The following EIF2S2 variants were observed in gnomAD, a reference collection of about 807,000 sequenced individuals.
EIF2S2 encodes the protein eukaryotic translation initiation factor 2 subunit 2.
In EIF2S2, 4 loss-of-function variants were observed where a neutral mutation model predicts 44.0. The observed-to-expected ratio is 0.09, with a 90% CI of 0.04 to 0.21. The LOEUF is 0.21. Among genes scored for constraint, EIF2S2 ranks in the 10% least tolerant of loss-of-function variants. The probability of loss-of-function intolerance (pLI) is 1.00; values close to 1 mark genes in which losing one functional copy is unlikely to be tolerated. For synonymous variants in EIF2S2, 108 were observed against 128.3 expected, an observed-to-expected ratio of 0.84 and a Z score of 1.07; for missense variants, 154 against 392.0, an observed-to-expected ratio of 0.39 and a Z score of 5.13.
Position 34,089,654 on chromosome 20 carries a change from C to T in EIF2S2, c.*76G>A, listed in dbSNP as rs1016878511. The T allele has an allele frequency of 1.3e-5, 20 of 1,485,740 alleles. No individual in the cohort carries two copies. The highest frequency in any genetic ancestry group is 2.3e-5 in the Admixed American group (1 of 43,190). 92.0% of individuals were successfully genotyped at this position (1,485,740 alleles called of 1,614,324 possible). A position where few individuals can be genotyped will look rare whatever the true frequency, so the allele number is the denominator to read the frequency against. ...CTTTTTTATCTTGTTTTTAATACAACGGTATATCCACTCTGATGGCAAACC... is the reference window on the plus strand; with the variant it reads ...CTTTTTTATCTTGTTTTTAATACAATGGTATATCCACTCTGATGGCAAACC... On this transcript the variant is annotated 3_prime_UTR_variant, in exon 9 of 9. Coordinates refer to ENST00000374980, the MANE Select transcript of EIF2S2 (RefSeq NM_003908.5).
intron 4 of EIF2S2, among the ~76,000 whole-genome samples, chr20:34,098,011 C>T (rs994367293): frequency 1.2e-4 from 19 of 152,132 alleles, no homozygotes; most frequent in African/African-American, 4.3e-4. Context: ...TTTGGGAGGC[C>T]GAGGCGGACG....
chr20:34,098,207 T>C (rs1231806601), intron 4 of EIF2S2, among the ~76,000 whole-genome samples: 1 of 151,682 alleles, frequency 6.6e-6, no homozygotes, highest in Non-Finnish European at 1.5e-5. Flanking sequence ...GATCGTGTCA[T>C]TGCACTTCAG....
intron 1 of EIF2S2, among the ~76,000 whole-genome samples, chr20:34,111,836 G>A (rs1219580119): frequency 6.6e-6 from 1 of 152,206 alleles, no homozygotes; most frequent in Non-Finnish European, 1.5e-5. Context: ...CCGGGAGGAC[G>A]ACTCAACGTG....
rs148962304 is a variant in EIF2S2 at position 34,095,824 on chromosome 20, T to G, written c.683+833A>C. ...TATTATCTCTTTTGTGTTTACCATATTTTCTACAACAAGCATGTAGCACTT... is the reference window on the plus strand; with the variant it reads ...TATTATCTCTTTTGTGTTTACCATAGTTTCTACAACAAGCATGTAGCACTT... On this transcript the variant is annotated intron_variant, in intron 6 of 8. Transcript: ENST00000374980. Among the ~76,000 whole-genome samples, 1,116 of 152,306 alleles carry G rather than the reference T, an allele frequency of 7.3e-3. 7 individuals are homozygous for G. Among genetic ancestry groups the G allele is most frequent in the Admixed American group, 0.011 (162 of 15,300 alleles).
chr20:34,088,727 G>A lies in EIF2S2; in HGVS notation c.*1003C>T, dbSNP rs1218419219. ...GATGGCCTTCTCCCATGTGCCAGCG[G>A]AGAATCCCCTTCCAGCCAAATCCTC... On this transcript the variant is annotated 3_prime_UTR_variant, in exon 9 of 9. Coordinates refer to ENST00000374980, the MANE Select transcript of EIF2S2 (RefSeq NM_003908.5). The A allele has an allele frequency of 6.6e-6, 1 of 152,412 alleles. No individual in the cohort carries two copies. 9.4% of individuals were successfully genotyped at this position (152,412 alleles called of 1,614,324 possible).
intron 3 of EIF2S2, among the ~76,000 whole-genome samples, chr20:34,102,012 G>A (rs188520533): frequency 1.6e-4 from 25 of 152,214 alleles, no homozygotes; most frequent in Admixed American, 1.3e-4. Flanking sequence ...AAAAGCCCTC[G>A]GATGGTCTGG....
intron 1 of EIF2S2, among the ~76,000 whole-genome samples, chr20:34,110,326 A>C (rs936248068): frequency 2.6e-5 from 4 of 152,114 alleles, no homozygotes; most frequent in Non-Finnish European, 5.9e-5. Flanking sequence ...AGTCAACAGC[A>C]CTACAGGAAC....
chr20:34,107,900 T>C (rs960483695), intron 1 of EIF2S2, among the ~76,000 whole-genome samples: 1 of 152,204 alleles, frequency 6.6e-6, no homozygotes, highest in African/African-American at 2.4e-5. Flanking sequence ...TGAAGAACAT[T>C]ATCTGGCCAA....
rs1272881599 is a variant in EIF2S2 at position 34,103,661 on chromosome 20, AAAAGACTGACT to A, written c.194-107_194-97del. On this transcript the variant is annotated intron_variant, in intron 2 of 8. Coordinates refer to ENST00000374980, the MANE Select transcript of EIF2S2 (RefSeq NM_003908.5). ...GTTCAGCAATTAATCAAGTCACCAGAAAAGACTGACTATTAATTAGTCCCTCCACAATCACA... is the reference window on the plus strand; with the variant it reads ...GTTCAGCAATTAATCAAGTCACCAGAATTAATTAGTCCCTCCACAATCACA... 5.0e-6 allele frequency: 7 copies of A among 1,386,468 alleles called. No individual in the cohort carries two copies. The African/African-American group carries it at 1.1e-4, about 21-fold the overall frequency. The allele number at this position is 1,386,468 out of a possible 1,614,324, so 85.9% of individuals were successfully genotyped here. A position where few individuals can be genotyped will look rare whatever the true frequency, so the allele number is the denominator to read the frequency against.
At chr20:34,090,947 C>T (rs1018681319) in intron 7 of EIF2S2, among the ~76,000 whole-genome samples, 1 of 151,930 alleles carries the variant, frequency 6.6e-6, no homozygotes, top group Non-Finnish European at 1.5e-5. Context: ...GGAGGGGTCT[C>T]CCTATGTTGC....
chr20:34,092,860 A>T (rs1047138789), intron 7 of EIF2S2, among the ~76,000 whole-genome samples: 3 of 152,198 alleles, frequency 2.0e-5, no homozygotes, highest in Non-Finnish European at 4.4e-5. Context: ...CTGTTAGGTG[A>T]TCAAGCTGCA....
chr20:34,095,310 CTT>C (rs148341160), intron 6 of EIF2S2, among the ~76,000 whole-genome samples: 67,344 of 122,538 alleles, frequency 0.55, 17,128 homozygotes, highest in East Asian at 0.75. Flanking sequence ...TTAGCTACCT[CTT>C]TTTTTTTTTT....
chr20:34,108,770 A>T (rs1432171520), intron 1 of EIF2S2, among the ~76,000 whole-genome samples: 2 of 152,166 alleles, frequency 1.3e-5, no homozygotes, highest in Non-Finnish European at 2.9e-5. Flanking sequence ...CCTCTCATAG[A>T]TCATACCTTA....
chr20:34,093,520 C>T (rs1346159572), intron 7 of EIF2S2, among the ~76,000 whole-genome samples, 155 bp downstream of exon 7: 1 of 152,196 alleles, frequency 6.6e-6, no homozygotes, highest in Admixed American at 6.5e-5. Flanking sequence ...GCCAAGCTCT[C>T]CCACAGAAAT....
intron 2 of EIF2S2, among the ~76,000 whole-genome samples, chr20:34,103,940 A>AC (rs1475290468): frequency 1.3e-5 from 2 of 152,042 alleles, no homozygotes; most frequent in Non-Finnish European, 2.9e-5. Context: ...CGCTCTCCTG[A>AC]CTTCATGATC....
chr20:34,104,933 CTA>C (rs1395264849), intron 2 of EIF2S2, among the ~76,000 whole-genome samples: 1 of 152,190 alleles, frequency 6.6e-6, no homozygotes, highest in African/African-American at 2.4e-5. Flanking sequence ...CAAATTATGT[CTA>C]TGTTACAGCA....
At chr20:34,110,531 C>G (rs1443785392) in intron 1 of EIF2S2, among the ~76,000 whole-genome samples, 1 of 152,192 alleles carries the variant, frequency 6.6e-6, no homozygotes, top group Non-Finnish European at 1.5e-5. Context: ...ACTTTATTGG[C>G]TTCCAAAGTC....
At chr20:34,092,400 G>C (rs1388196617) in intron 7 of EIF2S2, among the ~76,000 whole-genome samples, 1 of 152,196 alleles carries the variant, frequency 6.6e-6, no homozygotes, top group Admixed American at 6.5e-5. Flanking sequence ...GCTGGGTGCG[G>C]TGGCTCACGC....
chr20:34,097,422 G>A lies in EIF2S2; in HGVS notation c.528C>T (p.Tyr176=), dbSNP rs376277201. Reference sequence around the variant, plus strand: ...ACAACAGATTTTGTCTTACCTCCTCGTATGTGTAGTCTCTTTCTGAGCCTG... The same window carrying A: ...ACAACAGATTTTGTCTTACCTCCTCATATGTGTAGTCTCTTTCTGAGCCTG... ...AWAGSERDYT[Y]EELLNRVFNI... The change falls in exon 5 of 9, where the codon TAC becomes TAT. Residue 176 remains tyrosine (Y), a synonymous_variant. Transcript: ENST00000374980. 426 of 1,612,380 alleles carry A rather than the reference G, an allele frequency of 2.6e-4. 4 individuals carry two copies. In the South Asian group the frequency reaches 3.7e-3, roughly 14 times the overall value.
Sources: gnomAD v4.1 joint callset for allele counts (sites outside exome capture counted in the v4.1 genomes callset) on GRCh38, gnomAD v4.1.1 for gene constraint, MANE v1.5 for transcripts, NCBI Gene and HGNC (gene_info 2026-07-23, HGNC 2026-07-21) for gene names.